Variants in CDKAL1 observed in about 807,000 individuals in gnomAD.
CDKAL1 encodes the protein threonylcarbamoyladenosine tRNA methylthiotransferase.
A neutral mutation model predicts 68.2 loss-of-function variants in CDKAL1; 32 were observed. That is an observed-to-expected ratio of 0.47 (90% CI 0.35 to 0.63). CDKAL1 has a LOEUF of 0.63. CDKAL1 is among the 30% of genes least tolerant of loss of function. The pLI is 0.00. For missense variants in CDKAL1, 606 were observed against 696.7 expected, an observed-to-expected ratio of 0.87 and a Z score of 1.47; for synonymous variants, 234 against 244.3, an observed-to-expected ratio of 0.96 and a Z score of 0.39.
chr6:21,230,766 G>A (rs1482082657), intron 15 of CDKAL1, 82 bp from the exon 16 acceptor site: 3 of 1,132,080 alleles, frequency 2.6e-6, no homozygotes, highest in East Asian at 2.6e-5. Context: ...GGCACCTTCT[G>A]GAACCCATTG....
At chr6:20,862,167 G>A (rs1759665841) in intron 9 of CDKAL1, among the ~76,000 whole-genome samples, 2 of 152,234 alleles carry the variant, frequency 1.3e-5, no homozygotes, top group South Asian at 4.2e-4. Context: ...ACAATTACTG[G>A]CATATCACCA....
chr6:20,878,605 G>C (rs1294756731), intron 9 of CDKAL1, among the ~76,000 whole-genome samples: 1 of 151,478 alleles, frequency 6.6e-6, no homozygotes, highest in Non-Finnish European at 1.5e-5. Flanking sequence ...GCCGGGTGTG[G>C]TGATGCATGC....
chr6:20,572,502 C>T (rs901524579), intron 4 of CDKAL1, among the ~76,000 whole-genome samples: 3 of 152,058 alleles, frequency 2.0e-5, no homozygotes, highest in African/African-American at 7.2e-5. Flanking sequence ...TGTTTAAAAC[C>T]CAAACACTTT....
intron 9 of CDKAL1, among the ~76,000 whole-genome samples, chr6:20,923,339 A>G (rs1023083555): frequency 9.9e-5 from 15 of 152,150 alleles, no homozygotes; most frequent in Non-Finnish European, 2.2e-4. Context: ...GCTTCAAGCA[A>G]TTCTCTCAGC....
intron 2 of CDKAL1, among the ~76,000 whole-genome samples, chr6:20,536,918 T>C (rs969718244): frequency 3.9e-5 from 6 of 152,254 alleles, no homozygotes; most frequent in Non-Finnish European, 7.3e-5. Context: ...GCTTTGCAAC[T>C]GTGGCTGTAC....
chr6:20,999,635 A>C (rs916890828), intron 10 of CDKAL1, among the ~76,000 whole-genome samples: 3 of 148,876 alleles, frequency 2.0e-5, no homozygotes. Context: ...TTTGCGTAAT[A>C]GATACTCAAA....
chr6:21,051,195 A>C (rs1231951666), intron 11 of CDKAL1, among the ~76,000 whole-genome samples: 2 of 152,142 alleles, frequency 1.3e-5, no homozygotes, highest in Non-Finnish European at 2.9e-5. Flanking sequence ...ATTGCAACAA[A>C]AAATAAACAA....
At chr6:20,901,605 T>C (rs1456447612) in intron 9 of CDKAL1, among the ~76,000 whole-genome samples, 6 of 134,150 alleles carry the variant, frequency 4.5e-5, no homozygotes, top group Non-Finnish European at 9.2e-5. Flanking sequence ...GGTGTGAACC[T>C]GGGAGGCAGA....
At chr6:20,732,604 A>T (rs1284595442) in intron 5 of CDKAL1, among the ~76,000 whole-genome samples, 1 of 151,918 alleles carries the variant, frequency 6.6e-6, no homozygotes, top group East Asian at 1.9e-4. Flanking sequence ...ATCTTCTTAC[A>T]AGTCTAAGGA....
intron 13 of CDKAL1, among the ~76,000 whole-genome samples, chr6:21,112,794 C>T (rs186925119): frequency 6.6e-6 from 1 of 152,216 alleles, no homozygotes; most frequent in East Asian, 1.9e-4. Flanking sequence ...TGCAGCAATC[C>T]CACCTTTTTA....
intron 13 of CDKAL1, among the ~76,000 whole-genome samples, chr6:21,161,002 A>G (rs1453698296): frequency 1.3e-5 from 2 of 152,060 alleles, no homozygotes; most frequent in African/African-American, 4.8e-5. Context: ...TAAGAAAAAA[A>G]ATAGGGATCA....
chr6:21,176,694 TTG>T (rs1363262924), intron 13 of CDKAL1, among the ~76,000 whole-genome samples: 11,173 of 132,170 alleles, frequency 0.085, 1,166 homozygotes, highest in Non-Finnish European at 0.13. Context: ...TTTTTTTTTT[TTG>T]TTTTTTTTTT....
chr6:21,124,732 C>G (rs1016409437), intron 13 of CDKAL1, among the ~76,000 whole-genome samples: 2 of 151,518 alleles, frequency 1.3e-5, no homozygotes, highest in Non-Finnish European at 2.9e-5. Context: ...CCTGAATTTC[C>G]TCATCTCTCC....
At chr6:20,927,659 C>T (rs1763244598) in intron 9 of CDKAL1, among the ~76,000 whole-genome samples, 1 of 152,064 alleles carries the variant, frequency 6.6e-6, no homozygotes, top group Non-Finnish European at 1.5e-5. Flanking sequence ...GAATTATGTC[C>T]TAGGAAACGT....
chr6:21,029,096 G>T (rs1025238391), intron 11 of CDKAL1, among the ~76,000 whole-genome samples: 1 of 152,052 alleles, frequency 6.6e-6, no homozygotes, highest in Non-Finnish European at 1.5e-5. Context: ...TCCCAGGCTG[G>T]AATGCAGTGG....
At chr6:21,071,991 T>C (rs1471306786) in intron 12 of CDKAL1, among the ~76,000 whole-genome samples, 1 of 152,216 alleles carries the variant, frequency 6.6e-6, no homozygotes, top group Non-Finnish European at 1.5e-5. Context: ...GTTACATCAC[T>C]GAAGATGGCA....
chr6:20,770,963 C>T (rs1774915043), intron 7 of CDKAL1, among the ~76,000 whole-genome samples: 1 of 152,144 alleles, frequency 6.6e-6, no homozygotes. Flanking sequence ...TGTGGTGTCT[C>T]TCTGTACTTA....
chr6:20,987,747 A>C (rs148056652), intron 10 of CDKAL1, among the ~76,000 whole-genome samples: 30 of 152,236 alleles, frequency 2.0e-4, no homozygotes, highest in African/African-American at 7.2e-4. Context: ...AAATCCAGTT[A>C]TTCCACTTAC....
At chr6:21,029,570 G>T (rs149864135) in intron 11 of CDKAL1, among the ~76,000 whole-genome samples, 1 of 152,068 alleles carries the variant, frequency 6.6e-6, no homozygotes, top group Admixed American at 6.6e-5. Flanking sequence ...GAAAATTTTT[G>T]CAATCTACTT....
Sources: allele counts gnomAD v4.1 joint callset (sites outside exome capture counted in the v4.1 genomes callset), GRCh38; gene constraint gnomAD v4.1.1; transcripts MANE v1.5; gene names NCBI Gene and HGNC (gene_info 2026-07-23, HGNC 2026-07-21).